Variants in CSMD2 observed in about 807,000 individuals in gnomAD.
CSMD2 encodes CUB and sushi domain-containing protein 2.
Under a neutral mutation model 398.5 loss-of-function variants are expected in CSMD2, and 130 were observed. The observed-to-expected ratio is 0.33, with a 90% confidence interval of 0.28 to 0.38. The LOEUF (loss-of-function observed/expected upper bound fraction) is 0.38. CSMD2 is among the 10% of genes least tolerant of loss of function. CSMD2 has a pLI of 1.00. For missense variants in CSMD2, 3,829 were observed against 4,764.9 expected (o/e 0.80, Z 5.78); for synonymous variants, 1,828 against 1,908.5 (o/e 0.96, Z 1.10).
At chr1:33,831,475 A>G (rs10914798) in intron 6 of CSMD2, among the ~76,000 whole-genome samples, 95,260 of 151,596 alleles carry the variant, frequency 0.63, 30,594 homozygotes, top group African/African-American at 0.77. Context: ...AGATTTTGTC[A>G]CCACCAGGCC....
intron 11 of CSMD2, among the ~76,000 whole-genome samples, chr1:33,789,521 T>G (rs1239185585): frequency 6.6e-6 from 1 of 152,258 alleles, no homozygotes; most frequent in Non-Finnish European, 1.5e-5. Flanking sequence ...CTGTGCAGGC[T>G]GGGATTTCCA....
At chr1:33,987,815 C>A (rs887250387) in intron 3 of CSMD2, among the ~76,000 whole-genome samples, 1 of 152,180 alleles carries the variant, frequency 6.6e-6, no homozygotes, top group Admixed American at 6.5e-5. Context: ...TCAGTAGCAC[C>A]ACCATGCCCC....
intron 5 of CSMD2, among the ~76,000 whole-genome samples, chr1:33,851,180 G>C (rs1267236273): frequency 6.6e-6 from 1 of 152,126 alleles, no homozygotes; most frequent in African/African-American, 2.4e-5. Flanking sequence ...CACTGTGCTC[G>C]CAAGTGAGGG....
intron 3 of CSMD2, among the ~76,000 whole-genome samples, chr1:34,022,796 G>A (rs1029311658): frequency 7.9e-5 from 12 of 152,132 alleles, no homozygotes; most frequent in Non-Finnish European, 1.5e-4. Flanking sequence ...CATCCTGGAA[G>A]CAATTAAATG....
chr1:33,928,954 C>T (rs886852974), intron 4 of CSMD2, among the ~76,000 whole-genome samples: 1 of 152,222 alleles, frequency 6.6e-6, no homozygotes, highest in African/African-American at 2.4e-5. Context: ...AGGACTCCTT[C>T]CAGCTGCAGA....
intron 6 of CSMD2, among the ~76,000 whole-genome samples, chr1:33,833,606 C>T (rs1659870177): frequency 6.7e-6 from 1 of 148,850 alleles, no homozygotes; most frequent in Non-Finnish European, 1.5e-5. Flanking sequence ...CAGGGATGCC[C>T]TCTCTCACCA....
intron 44 of CSMD2, among the ~76,000 whole-genome samples, chr1:33,594,340 T>C (rs1364059865): frequency 1.3e-5 from 2 of 152,190 alleles, no homozygotes; most frequent in Non-Finnish European, 2.9e-5. Flanking sequence ...TAACTTTTTC[T>C]CCTCCTTAAA....
At position 34,164,090 on chromosome 1, in the gene CSMD2, AG is replaced by A. The variant is rs1641623141; in HGVS notation, c.187+820del. On this transcript the variant is annotated intron_variant, in intron 1 of 70. Transcript: ENST00000373381. The surrounding 1 kb of genome is among the most constrained non-coding windows in gnomAD (Gnocchi z 6.2). ...GCCGCCGCTGCCGCTGCCGCAGCCGAGGCGCTCGGCTGCAGCAGGGCGCGGG... is the reference window on the plus strand; with the variant it reads ...GCCGCCGCTGCCGCTGCCGCAGCCGAGCGCTCGGCTGCAGCAGGGCGCGGG... 6.6e-6 allele frequency among the ~76,000 whole-genome samples: 1 copy of A among 151,874 alleles called. No individual in the cohort carries two copies. Among genetic ancestry groups the A allele is most frequent in the Admixed American group, 6.6e-5 (1 of 15,266 alleles).
At chr1:33,950,004 C>A (rs1309793050) in intron 3 of CSMD2, among the ~76,000 whole-genome samples, 1 of 152,184 alleles carries the variant, frequency 6.6e-6, no homozygotes, top group East Asian at 1.9e-4. Flanking sequence ...CATCATCCAG[C>A]CAGCCATCCA....
Position 33,623,377 on chromosome 1 carries a change from A to G in CSMD2, c.5715T>C (p.Ser1905=), listed in dbSNP as rs1216291323. The G allele has an allele frequency of 6.2e-7, 1 of 1,613,654 alleles. No individual in the cohort carries two copies. The highest frequency in any genetic ancestry group is 1.1e-5 in the South Asian group (1 of 91,034). ...CCTGGAAACCCAGCTTACCTGAGAA[A>G]CTCCCCAGCATGGTTACAGTGTTAT... is the stretch of plus-strand genomic sequence containing the variant. ...GADNTVTMLG[S]FSGTTVPALL... is the part of the protein sequence containing the mutation. Residue 1905 remains serine (S), a synonymous_variant, in exon 36 of 71, where the codon AGT becomes AGC. Transcript: ENST00000373381.
At chr1:34,061,698 G>A (rs113245440) in intron 2 of CSMD2, among the ~76,000 whole-genome samples, 194 of 152,140 alleles carry the variant, frequency 1.3e-3, no homozygotes, top group Non-Finnish European at 1.9e-3. Context: ...CATAGTAAGT[G>A]CTCAATAATA....
At chr1:34,049,640 C>T (rs1441678612) in intron 2 of CSMD2, among the ~76,000 whole-genome samples, 2 of 152,116 alleles carry the variant, frequency 1.3e-5, no homozygotes, top group Non-Finnish European at 2.9e-5. Flanking sequence ...CAGAAGAAAA[C>T]ATGAAACCCT....
At position 33,515,076 on chromosome 1, in the gene CSMD2, T is replaced by A. The variant is rs1166384039; in HGVS notation, c.*1548A>T. ...CGAGGACAGAGAAAGTGGCCCTAAA[T>A]GCTATACTTTGATTCCTAAACTCAT... On this transcript the variant is annotated 3_prime_UTR_variant, in exon 71 of 71. Coordinates refer to ENST00000373381, the MANE Select transcript of CSMD2 (RefSeq NM_001281956.2). The A allele has an allele frequency of 1.3e-5, 2 of 152,250 alleles. No individual in the cohort carries two copies. The highest frequency in any genetic ancestry group is 4.8e-5 in the African/African-American group (2 of 41,466). 9.4% of individuals were successfully genotyped at this position (152,250 alleles called of 1,614,324 possible).
intron 2 of CSMD2, among the ~76,000 whole-genome samples, chr1:34,061,314 C>A (rs1380871713): frequency 6.6e-6 from 1 of 152,184 alleles, no homozygotes; most frequent in Admixed American, 6.5e-5. Flanking sequence ...TCACTCTGAC[C>A]ACAAGGCAGA....
At chr1:33,932,424 A>C (rs1372981849) in intron 4 of CSMD2, among the ~76,000 whole-genome samples, 1 of 152,150 alleles carries the variant, frequency 6.6e-6, no homozygotes, top group Non-Finnish European at 1.5e-5. Flanking sequence ...GAAGGAGGGA[A>C]AGAATCATCA....
chr1:34,062,287 C>A (rs1654601351), intron 2 of CSMD2, among the ~76,000 whole-genome samples: 1 of 152,178 alleles, frequency 6.6e-6, no homozygotes, highest in South Asian at 2.1e-4. Context: ...TTGGACCCAG[C>A]CTAAAAATAA....
rs943802196 is a variant in CSMD2 at position 33,557,780 on chromosome 1, G to A, written c.8697C>T (p.Ser2899=). 2 of 1,536,018 alleles carry A rather than the reference G, an allele frequency of 1.3e-6. No individual in the cohort carries two copies. Among genetic ancestry groups the A allele is most frequent in the Non-Finnish European group, 1.7e-6 (2 of 1,146,910 alleles). ...GGTCCCATGTGCCATCTCCCTGGCA[G>A]CTGAGCACTGGGGTGCCCAGGAGGT... ...GFYLLGTPVL[S]CQGDGTWDRP... The change falls in exon 55 of 71, where the codon AGC becomes AGT. Residue 2899 remains serine, a synonymous_variant. Transcript: ENST00000373381.
intron 14 of CSMD2, among the ~76,000 whole-genome samples, chr1:33,742,678 C>T (rs547851545): frequency 7.0e-6 from 1 of 141,984 alleles, no homozygotes; most frequent in African/African-American, 2.6e-5. Context: ...AGGATTGAAA[C>T]TGGAGGTGGC....
chr1:34,070,549 A>C (rs1571000116), intron 2 of CSMD2, among the ~76,000 whole-genome samples: 1 of 152,210 alleles, frequency 6.6e-6, no homozygotes, highest in Non-Finnish European at 1.5e-5. Flanking sequence ...TGTTGGGAGA[A>C]GTCAATAACA....
Sources: gnomAD v4.1 joint callset for allele counts (sites outside exome capture counted in the v4.1 genomes callset) on GRCh38, gnomAD v4.1.1 for gene constraint, Gnocchi (gnomAD v3.1) non-coding constraint, MANE v1.5 for transcripts, NCBI Gene and HGNC (gene_info 2026-07-23, HGNC 2026-07-21) for gene names.